Variants in METTL15 observed in about 807,000 individuals in gnomAD.
METTL15 encodes the protein 12S rRNA N(4)-cytidine methyltransferase METTL15.
Under a neutral mutation model 38.3 loss-of-function variants are expected in METTL15, and 34 were observed. That is an observed-to-expected ratio of 0.89 (90% CI 0.68 to 1.18). The LOEUF (loss-of-function observed/expected upper bound fraction) is 1.18, where lower values mean the gene tolerates loss of function less well. Among genes scored for constraint, METTL15 ranks in the 50% most tolerant of loss-of-function variants. METTL15 has a pLI of 0.00. For synonymous variants in METTL15, 162 were observed against 170.9 expected, an observed-to-expected ratio of 0.95 and a Z score of 0.41; for missense variants, 438 against 498.4, an observed-to-expected ratio of 0.88 and a Z score of 1.15.
chr11:28,194,822 T>A (rs1470706755), intron 3 of METTL15, among the ~76,000 whole-genome samples: 1 of 151,636 alleles, frequency 6.6e-6, no homozygotes, highest in East Asian at 1.9e-4. Context: ...TGTGCCCCAA[T>A]AGGTTTTTTT....
At chr11:28,232,091 A>G (rs759895838) in intron 4 of METTL15, among the ~76,000 whole-genome samples, 3 of 151,896 alleles carry the variant, frequency 2.0e-5, no homozygotes, top group African/African-American at 7.2e-5. Flanking sequence ...AACCTTTAAA[A>G]ATATCCAGAC....
intron 6 of METTL15, among the ~76,000 whole-genome samples, chr11:28,466,763 T>G (rs1262645258): frequency 6.6e-6 from 1 of 152,124 alleles, no homozygotes; most frequent in Non-Finnish European, 1.5e-5. Flanking sequence ...GTTTATCCTT[T>G]TAGGAGGGCT....
At chr11:28,279,042 G>T (rs1855948811) in intron 4 of METTL15, among the ~76,000 whole-genome samples, 1 of 152,146 alleles carries the variant, frequency 6.6e-6, no homozygotes, top group South Asian at 2.1e-4. Flanking sequence ...GCCCAGGATG[G>T]TTTCAAACTC....
chr11:28,229,189 T>C (rs1006048726), intron 4 of METTL15, among the ~76,000 whole-genome samples: 2 of 152,020 alleles, frequency 1.3e-5, no homozygotes, highest in African/African-American at 4.8e-5. Flanking sequence ...TGTAAGATAA[T>C]ACATAGTTAT....
intron 4 of METTL15, among the ~76,000 whole-genome samples, chr11:28,357,907 T>A (rs1850103613): frequency 6.6e-6 from 1 of 152,056 alleles, no homozygotes; most frequent in Non-Finnish European, 1.5e-5. Flanking sequence ...ATATGTCAAG[T>A]GTTATTGGCA....
intron 4 of METTL15, among the ~76,000 whole-genome samples, chr11:28,249,807 A>G (rs1256536300): frequency 6.6e-6 from 1 of 151,962 alleles, no homozygotes; most frequent in Non-Finnish European, 1.5e-5. Flanking sequence ...GGTTTGGCGT[A>G]TAGATTATTT....
At chr11:28,210,489 T>C (rs1179658366) in intron 3 of METTL15, among the ~76,000 whole-genome samples, 1 of 151,934 alleles carries the variant, frequency 6.6e-6, no homozygotes, top group East Asian at 1.9e-4. Flanking sequence ...AAAAGCATTT[T>C]TTTTTCTTCT....
chr11:28,198,755 A>G (rs1399127147), intron 3 of METTL15, among the ~76,000 whole-genome samples: 1 of 152,166 alleles, frequency 6.6e-6, no homozygotes, highest in East Asian at 1.9e-4. Flanking sequence ...TTAGCTAACT[A>G]TAAGGTTGGA....
At chr11:28,422,620 T>G (rs1850830068) in intron 5 of METTL15, among the ~76,000 whole-genome samples, 1 of 152,074 alleles carries the variant, frequency 6.6e-6, no homozygotes, top group African/African-American at 2.4e-5. Flanking sequence ...TAATACATGA[T>G]GCTGTGAAAA....
intron 5 of METTL15, among the ~76,000 whole-genome samples, chr11:28,374,212 G>T (rs1303305821): frequency 1.3e-5 from 2 of 152,042 alleles, no homozygotes; most frequent in African/African-American, 4.8e-5. Flanking sequence ...AAAGTCATTG[G>T]TAGCTTGATG....
At chr11:28,433,103 A>G (rs571623217) in intron 6 of METTL15, among the ~76,000 whole-genome samples, 2 of 152,018 alleles carry the variant, frequency 1.3e-5, no homozygotes, top group South Asian at 2.1e-4. Context: ...TATTAATGCC[A>G]TAATAAAATC....
intron 3 of METTL15, among the ~76,000 whole-genome samples, chr11:28,350,824 A>G (rs1479678557): frequency 6.6e-6 from 1 of 152,232 alleles, no homozygotes; most frequent in Non-Finnish European, 1.5e-5. Flanking sequence ...AATAAATTAC[A>G]TGTAAACATT....
chr11:28,119,267 G>A (rs764254711), intron 3 of METTL15, among the ~76,000 whole-genome samples: 1 of 152,156 alleles, frequency 6.6e-6, no homozygotes, highest in African/African-American at 2.4e-5. Context: ...GGACATATTT[G>A]TCTTGCTTAC....
intron 6 of METTL15, among the ~76,000 whole-genome samples, chr11:28,470,623 G>A (rs1332747117): frequency 1.3e-5 from 2 of 152,064 alleles, no homozygotes; most frequent in African/African-American, 4.8e-5. Flanking sequence ...GAGAAGTGCT[G>A]TCTTCCTTGA....
At chr11:28,525,228 G>C (rs1851799644) in intron 6 of METTL15, among the ~76,000 whole-genome samples, 1 of 152,184 alleles carries the variant, frequency 6.6e-6, no homozygotes, top group African/African-American at 2.4e-5. Context: ...TGCCACTGCT[G>C]CCTCGCGCAG....
At chr11:28,225,319 G>A (rs1853430120) in intron 4 of METTL15, among the ~76,000 whole-genome samples, 1 of 151,624 alleles carries the variant, frequency 6.6e-6, no homozygotes, top group South Asian at 2.1e-4. Flanking sequence ...TTCCTTATGT[G>A]GGTTCATGTC....
chr11:28,424,413 A>T (rs1458796780), intron 6 of METTL15: 1 of 152,104 alleles, frequency 6.6e-6, no homozygotes, highest in African/African-American at 2.4e-5. Flanking sequence ...TTCTGCATGG[A>T]GGATAACCTG....
At chr11:28,404,128 T>C (rs1850654668) in intron 5 of METTL15, among the ~76,000 whole-genome samples, 1 of 152,060 alleles carries the variant, frequency 6.6e-6, no homozygotes, top group Non-Finnish European at 1.5e-5. Flanking sequence ...CAATATTTTT[T>C]AATATTTTGA....
chr11:28,265,859 C>T (rs528102220), intron 4 of METTL15, among the ~76,000 whole-genome samples: 1 of 152,136 alleles, frequency 6.6e-6, no homozygotes, highest in Non-Finnish European at 1.5e-5. Flanking sequence ...ATGTGCACAA[C>T]GTGCAGGTTA....
Sources: allele counts gnomAD v4.1 joint callset (sites outside exome capture counted in the v4.1 genomes callset), GRCh38; gene constraint gnomAD v4.1.1; transcripts MANE v1.5; gene names NCBI Gene and HGNC (gene_info 2026-07-23, HGNC 2026-07-21).